The following ZNF468 variants were observed in gnomAD, a reference collection of about 807,000 sequenced individuals.
The protein encoded by ZNF468 is zinc finger protein ZNF468.
ZNF468 carries 8 observed loss-of-function variants against 7.2 expected under a neutral mutation model. The ratio of observed to expected loss-of-function variants is 1.11; its 90% CI spans 0.65 to 2.01. The LOEUF (loss-of-function observed/expected upper bound fraction) is 2.01, where lower values mean the gene tolerates loss of function less well. Ranked by LOEUF, ZNF468 falls within the 30% of genes most tolerant of loss-of-function variation. The probability of loss-of-function intolerance (pLI) is 0.00; values close to 1 mark genes in which losing one functional copy is unlikely to be tolerated. For synonymous variants in ZNF468, 218 were observed against 214.4 expected (o/e 1.02, Z -0.15); for missense variants, 608 against 626.5 (o/e 0.97, Z 0.31).
chr19:52,854,333 T>A lies in ZNF468; in HGVS notation c.-61A>T. The A allele has an allele frequency of 1.2e-6, 2 of 1,611,682 alleles. No homozygotes were observed. The highest frequency in any genetic ancestry group is 2.2e-5 in the South Asian group (2 of 91,028). On this transcript the variant is annotated 5_prime_UTR_variant, in exon 2 of 4. Coordinates refer to ENST00000595646, the MANE Select transcript of ZNF468 (RefSeq NM_001008801.2). ...TTTCTTTCTCACGTACCAACAGTCT[T>A]TAGAAGTCAATCCTGAATGTTAAAA...
intron 2 of ZNF468, chr19:52,849,435 T>C: frequency 1.0e-6 from 1 of 967,464 alleles, no homozygotes; most frequent in Non-Finnish European, 1.4e-6. Context: ...CTTATGTTTG[T>C]GAAAAATAAC....
intron 3 of ZNF468, among the ~76,000 whole-genome samples, chr19:52,848,604 G>A (rs1159451040): frequency 6.6e-6 from 1 of 152,134 alleles, no homozygotes; most frequent in African/African-American, 2.4e-5. Flanking sequence ...AGGCTGGAGT[G>A]CAGCAGTGTG....
intron 3 of ZNF468, among the ~76,000 whole-genome samples, chr19:52,848,114 T>C (rs1178902860): frequency 6.6e-6 from 1 of 152,114 alleles, no homozygotes; most frequent in East Asian, 1.9e-4. Context: ...ACTTGCAGAG[T>C]TTCCTCACAC....
intron 2 of ZNF468, among the ~76,000 whole-genome samples, chr19:52,850,544 AAAC>A (rs1418478400): frequency 2.6e-5 from 4 of 152,194 alleles, no homozygotes; most frequent in Admixed American, 2.0e-4. Context: ...ACAAAGAAGA[AAAC>A]AACAGACACT....
At chr19:52,845,826 A>G (rs73069432) in intron 3 of ZNF468, among the ~76,000 whole-genome samples, 13,218 of 152,016 alleles carry the variant, frequency 0.087, 590 homozygotes, top group South Asian at 0.098. Context: ...CCAACAAGGA[A>G]AAACCCTGTC....
chr19:52,847,646 T>C (rs558411097), intron 3 of ZNF468, among the ~76,000 whole-genome samples: 1 of 152,232 alleles, frequency 6.6e-6, no homozygotes, highest in South Asian at 2.1e-4. Flanking sequence ...GGAGGCGAGA[T>C]ATGCTGGCAG....
At chr19:52,856,895 C>G (rs1206701769) in intron 1 of ZNF468, among the ~76,000 whole-genome samples, 1 of 152,158 alleles carries the variant, frequency 6.6e-6, no homozygotes, top group Non-Finnish European at 1.5e-5. Context: ...CAGTCCCTCT[C>G]TCTGTCTCCT....
chr19:52,843,731 T>C (rs2063322976), intron 3 of ZNF468, among the ~76,000 whole-genome samples: 1 of 152,188 alleles, frequency 6.6e-6, no homozygotes, highest in Non-Finnish European at 1.5e-5. Context: ...AAACTTGTAC[T>C]TATCACCAGC....
At chr19:52,842,410 A>T (rs56941243) in intron 3 of ZNF468, among the ~76,000 whole-genome samples, 46,501 of 151,710 alleles carry the variant, frequency 0.31, 7,519 homozygotes, top group South Asian at 0.46. Flanking sequence ...GAGTCTAAAG[A>T]AAGGAGTGTT....
intron 3 of ZNF468, among the ~76,000 whole-genome samples, chr19:52,842,841 A>AAG (rs2063315919): frequency 7.3e-6 from 1 of 136,246 alleles, no homozygotes; most frequent in African/African-American, 2.8e-5. Context: ...AAAAAAAAAA[A>AAG]GACATGGCAT....
At chr19:52,854,057 C>A in intron 2 of ZNF468, 1 of 1,508,378 alleles carries the variant, frequency 6.6e-7, no homozygotes, top group South Asian at 1.3e-5. Flanking sequence ...CAGGACCTGC[C>A]CAGTGCAGCC....
Position 52,841,936 on chromosome 19 carries a change from C to A in ZNF468, c.358G>T (p.Ala120Ser), listed in dbSNP as rs529310674. 11 of 1,613,792 alleles carry A rather than the reference C, an allele frequency of 6.8e-6. No individual in the cohort carries two copies. The highest frequency in any genetic ancestry group is 9.3e-6 in the Non-Finnish European group (11 of 1,179,842). ...TGATCATGTTGGCCTGTACTACCAG[C>A]CAACTCTTTGATTTCTGTCATGGGT... is the stretch of plus-strand genomic sequence containing the variant. ...AAPMTEIKEL[A>S]GSTGQHDQRH... The change falls in exon 4 of 4, where the codon GCT (alanine) becomes TCT (serine). Residue 120 changes from alanine to serine, a missense_variant. Ala to Ser is a moderately conservative substitution (Grantham distance 99). Coordinates refer to ENST00000595646, the MANE Select transcript of ZNF468 (RefSeq NM_001008801.2).
At chr19:52,848,994 TTTTAGTCAAGGAACAATG>T in intron 3 of ZNF468, 75 bp downstream of exon 3, 1 of 1,107,162 alleles carries the variant, frequency 9.0e-7, no homozygotes. Context: ...ATGGCTTCCA[TTTTAGTCAAGGAACAATG>T]GGGTTCCTAA....
At chr19:52,843,575 C>T (rs759539740) in intron 3 of ZNF468, among the ~76,000 whole-genome samples, 2 of 152,066 alleles carry the variant, frequency 1.3e-5, no homozygotes, top group Non-Finnish European at 2.9e-5. Flanking sequence ...CGTTATATTG[C>T]ATACCACATA....
At chr19:52,847,018 AAAGT>A (rs925727928) in intron 3 of ZNF468, among the ~76,000 whole-genome samples, 18 of 148,126 alleles carry the variant, frequency 1.2e-4, no homozygotes, top group East Asian at 8.0e-4. Flanking sequence ...AGAAAGAAAG[AAAGT>A]AAGAGCAGAG....
At position 52,841,450 on chromosome 19, in the gene ZNF468, G is replaced by T; in HGVS notation, c.844C>A (p.His282Asn). The T allele has an allele frequency of 6.2e-7, 1 of 1,614,004 alleles. No individual in the cohort carries two copies. Among genetic ancestry groups the T allele is most frequent in the Non-Finnish European group, 8.5e-7 (1 of 1,179,970 alleles). ...TTGTGAATGAAGAGGGATGAATTAT[G>T]ACCAAAGGTCTTGCCACACTCATTA... ...KCNECGKTFG[H>N]NSSLFIHKAL... The change falls in exon 4 of 4, where the codon CAT becomes AAT. Residue 282 changes from histidine to asparagine, a missense_variant. Coordinates refer to ENST00000595646, the MANE Select transcript of ZNF468 (RefSeq NM_001008801.2).
chr19:52,851,779 G>C lies in ZNF468; in HGVS notation c.15+2479C>G, dbSNP rs550009643. Among the ~76,000 whole-genome samples, 6 of 151,748 alleles carry C rather than the reference G, an allele frequency of 4.0e-5. 1 individual carries two copies. In the South Asian group the frequency reaches 1.3e-3, roughly 32 times the overall value. ...ATATATGAAAACAGAATTACTCAAA[G>C]TACAAAAATCTGTTTTGTATATATA... is the stretch of plus-strand genomic sequence containing the variant. On this transcript the variant is annotated intron_variant, in intron 2 of 3. Coordinates refer to ENST00000595646, the MANE Select transcript of ZNF468 (RefSeq NM_001008801.2).
At chr19:52,851,869 C>T (rs779789642) in intron 2 of ZNF468, among the ~76,000 whole-genome samples, 7 of 152,092 alleles carry the variant, frequency 4.6e-5, no homozygotes, top group Non-Finnish European at 8.8e-5. Context: ...AAAGGGTTGT[C>T]ATTTTCCCCA....
chr19:52,841,224 CAT>C lies in ZNF468; in HGVS notation c.1068_1069del (p.Cys357Ter), dbSNP rs1568673813. ...ATTAAAAACTTTGCCACATTCATTA[CAT>C]GTGTAAGGTTTCTCTCCAGTGTGAA... On this transcript the variant is annotated frameshift_variant, in exon 4 of 4. Transcript: ENST00000595646. LOFTEE classifies it low-confidence loss of function (END_TRUNC). 3.1e-6 allele frequency: 5 copies of C among 1,613,886 alleles called. No individual in the cohort carries two copies. Among genetic ancestry groups the C allele is most frequent in the Admixed American group, 3.3e-5 (2 of 59,988 alleles).
Sources: allele counts gnomAD v4.1 joint callset (sites outside exome capture counted in the v4.1 genomes callset), GRCh38; gene constraint gnomAD v4.1.1; transcripts MANE v1.5; gene names NCBI Gene and HGNC (gene_info 2026-07-23, HGNC 2026-07-21).